Variants in ARHGEF11 observed in about 807,000 individuals in gnomAD.
ARHGEF11 encodes Rho guanine nucleotide exchange factor 11, also known as Rho guanine exchange factor (GEF) 11.
In ARHGEF11, 55 loss-of-function variants were observed where a neutral mutation model predicts 193.7. The ratio of observed to expected loss-of-function variants is 0.28; its 90% CI spans 0.23 to 0.36. The LOEUF (loss-of-function observed/expected upper bound fraction) is 0.36. ARHGEF11 is among the 10% of genes least tolerant of loss of function. ARHGEF11 has a pLI of 1.00. For missense variants in ARHGEF11, 1,723 were observed against 2,005.6 expected, an observed-to-expected ratio of 0.86 and a Z score of 2.69; for synonymous variants, 693 against 768.0, an observed-to-expected ratio of 0.90 and a Z score of 1.62.
intron 2 of ARHGEF11, 200 bp downstream of exon 2, chr1:156,985,882 G>A (rs1319215118): frequency 1.0e-5 from 5 of 492,142 alleles, no homozygotes; most frequent in Admixed American, 3.4e-5. Flanking sequence ...CCTCTCCTTC[G>A]GCAACCTGGT....
intron 34 of ARHGEF11, 105 bp downstream of exon 34, chr1:156,941,759 C>T: frequency 6.8e-7 from 1 of 1,473,020 alleles, no homozygotes; most frequent in Non-Finnish European, 9.1e-7. Context: ...GCTAGCATTT[C>T]CCTGTTGTGG....
In ARHGEF11 at chr1:157,042,149, G is replaced by A. The variant is rs554706324; in HGVS notation, c.32+2150C>T. Among the ~76,000 whole-genome samples the A allele has an allele frequency of 6.6e-5, 10 of 152,126 alleles. 1 individual carries two copies. Among genetic ancestry groups the A allele is most frequent in the Non-Finnish European group, 1.2e-4 (8 of 68,026 alleles). ...TCTGAGTCCTACCACTCTTAATGGGGAAGAGAATCAGGCAGGGTGGAGGTG... is the reference window on the plus strand; with the variant it reads ...TCTGAGTCCTACCACTCTTAATGGGAAAGAGAATCAGGCAGGGTGGAGGTG... On this transcript the variant is annotated intron_variant, in intron 1 of 40. Coordinates refer to ENST00000368194, the MANE Select transcript of ARHGEF11 (RefSeq NM_198236.3).
chr1:156,982,264 G>A (rs1319483636), intron 3 of ARHGEF11, among the ~76,000 whole-genome samples: 1 of 151,974 alleles, frequency 6.6e-6, no homozygotes, highest in African/African-American at 2.4e-5. Flanking sequence ...CAGCAAGCCT[G>A]AGAATCACTG....
upstream of ARHGEF11, among the ~76,000 whole-genome samples, chr1:157,046,117 G>C (rs1481329416): frequency 1.3e-5 from 2 of 149,614 alleles, no homozygotes; most frequent in African/African-American, 4.9e-5. Context: ...CCCCTCAGTC[G>C]CCGGCCCTGC....
Position 156,971,740 on chromosome 1 carries a change from G to A in ARHGEF11, c.659C>T (p.Thr220Ile), listed in dbSNP as rs370758353. Residue 220 changes from threonine (T) to isoleucine (I), a missense_variant, in exon 8 of 41, where the codon ACT becomes ATT. By Grantham distance (89) the Thr-to-Ile change is moderately conservative (BLOSUM62 -1). This residue lies in a region of ARHGEF11 where 646 missense variants were observed against 710.7 expected (regional missense o/e 0.91). Transcript: ENST00000368194. ...EQIEGARRRV[T>I]QLQLKIQQET... ...CTGCTGGATCTTCAGCTGTAACTGA[G>A]TGACTCGCCGCCGGGCACCTTCGAT... is the stretch of plus-strand genomic sequence containing the variant. 3.1e-6 allele frequency: 5 copies of A among 1,613,936 alleles called. No homozygotes were observed. The African/African-American group carries it at 4.0e-5, about 13-fold the overall frequency.
intron 1 of ARHGEF11, among the ~76,000 whole-genome samples, chr1:157,029,552 G>T (rs535109234): frequency 6.6e-6 from 1 of 152,156 alleles, no homozygotes; most frequent in Non-Finnish European, 1.5e-5. Context: ...GATTACAGGC[G>T]TGAGCCACTG....
chr1:156,963,344 C>G (rs763363280), intron 12 of ARHGEF11, 40 bp from the exon 13 acceptor site: 7 of 1,573,584 alleles, frequency 4.4e-6, no homozygotes, highest in Non-Finnish European at 6.1e-6. Context: ...AAGCCGGGCA[C>G]AGCAGCACAG....
chr1:156,978,451 G>A (rs1253837134), intron 5 of ARHGEF11, 69 bp from the exon 6 acceptor site: 2 of 1,506,152 alleles, frequency 1.3e-6, no homozygotes, highest in African/African-American at 2.8e-5. Flanking sequence ...CTATACAGGA[G>A]GGGGCTGTTC....
In ARHGEF11 at chr1:156,958,788, C is replaced by T. The variant is rs1481666411; in HGVS notation, c.1456G>A (p.Glu486Lys). 2 of 1,614,166 alleles carry T rather than the reference C, an allele frequency of 1.2e-6. No individual in the cohort carries two copies. The highest frequency in any genetic ancestry group is 1.7e-6 in the Non-Finnish European group (2 of 1,180,016). The change falls in exon 17 of 41, where the codon GAG becomes AAG. Residue 486 changes from glutamate to lysine, a missense_variant. Physicochemically the swap from Glu to Lys is moderately conservative, Grantham distance 56 (BLOSUM62 1). This residue lies in a region of ARHGEF11 where 646 missense variants were observed against 710.7 expected (regional missense o/e 0.91). Transcript: ENST00000368194. ...LLDLDGDPLR[E>K]RQVAEKQLAA... is the part of the protein sequence containing the mutation. ...AGCTGCTTCTCAGCCACTTGGCGCT[C>T]TCGGAGAGGGTCCCCATCCAGGTCC... is the stretch of plus-strand genomic sequence containing the variant.
chr1:156,955,042 A>G (rs1025699739), intron 20 of ARHGEF11, 121 bp from the exon 21 acceptor site: 13 of 780,582 alleles, frequency 1.7e-5, no homozygotes, highest in East Asian at 2.6e-5. Context: ...ATCAAGGCTG[A>G]TCTAGAAGAA....
In ARHGEF11 at chr1:156,935,700, CAT is replaced by C. The variant is rs1654919079; in HGVS notation, c.*298_*299del. On this transcript the variant is annotated 3_prime_UTR_variant, in exon 41 of 41. Transcript: ENST00000368194. ...ACATACAGGCGTGCGCGTGTACACA[CAT>C]ATGTGGGGTGAGGGCAGACCATGGT... 5.1e-6 allele frequency: 2 copies of C among 393,122 alleles called. No individual in the cohort carries two copies. The highest frequency in any genetic ancestry group is 9.2e-6 in the Non-Finnish European group (2 of 218,052). 24.4% of individuals were successfully genotyped at this position (393,122 alleles called of 1,614,324 possible). A position where few individuals can be genotyped will look rare whatever the true frequency, so the allele number is the denominator to read the frequency against.
chr1:156,992,924 T>A (rs748853408), intron 1 of ARHGEF11, among the ~76,000 whole-genome samples: 1 of 152,116 alleles, frequency 6.6e-6, no homozygotes, highest in Non-Finnish European at 1.5e-5. Flanking sequence ...GCAAATAACA[T>A]CACGTCCTTT....
At position 156,938,616 on chromosome 1, in the gene ARHGEF11, G is replaced by T. The variant is rs933199360; in HGVS notation, c.4097-103C>A. The T allele has an allele frequency of 3.7e-6, 4 of 1,082,998 alleles. No individual in the cohort carries two copies. In the Admixed American group the frequency reaches 8.0e-5, roughly 22 times the overall value. 67.1% of individuals were successfully genotyped at this position (1,082,998 alleles called of 1,614,324 possible). On this transcript the variant is annotated intron_variant, in intron 37 of 40. Coordinates refer to ENST00000368194, the MANE Select transcript of ARHGEF11 (RefSeq NM_198236.3). ...GAGAGGGCAGGAGGTGGGGACAGGG[G>T]GAGGAGAAAATGGGAAGAACAAGGT...
At chr1:156,974,312 C>T (rs891816908) in intron 7 of ARHGEF11, among the ~76,000 whole-genome samples, 3 of 151,984 alleles carry the variant, frequency 2.0e-5, no homozygotes, top group African/African-American at 4.8e-5. Context: ...AAGTAATCTT[C>T]CCACTTTGGC....
At chr1:157,001,880 C>A (rs901172417) in intron 1 of ARHGEF11, among the ~76,000 whole-genome samples, 3 of 152,174 alleles carry the variant, frequency 2.0e-5, no homozygotes, top group Non-Finnish European at 4.4e-5. Context: ...TGTAGGTTTA[C>A]AAAAATGGTA....
chr1:157,032,268 C>T (rs769628843), intron 1 of ARHGEF11, among the ~76,000 whole-genome samples: 2 of 152,140 alleles, frequency 1.3e-5, no homozygotes, highest in Non-Finnish European at 1.5e-5. Context: ...CACCAGCCAC[C>T]GAAGCAATTC....
Position 157,035,775 on chromosome 1 carries a change from G to T in ARHGEF11, c.32+8524C>A, listed in dbSNP as rs1454902378. Among the ~76,000 whole-genome samples, 152 of 115,786 alleles carry T rather than the reference G, an allele frequency of 1.3e-3. 1 individual carries two copies. The highest frequency in any genetic ancestry group is 4.7e-3 in the African/African-American group (148 of 31,274). 76.0% of individuals were successfully genotyped at this position (115,786 alleles called of 152,430 possible). A position where few individuals can be genotyped will look rare whatever the true frequency, so the allele number is the denominator to read the frequency against. On this transcript the variant is annotated intron_variant, in intron 1 of 40. Transcript: ENST00000368194. ...CTATGTGGGAATATATATATATACA[G>T]GAATATATATATATAGGAATATATA...
At chr1:156,939,421 G>T in intron 37 of ARHGEF11, 127 bp downstream of exon 37, 1 of 1,336,306 alleles carries the variant, frequency 7.5e-7, no homozygotes, top group Non-Finnish European at 1.0e-6. Context: ...CTTCTTCCAG[G>T]ACCCAGCGTA....
intron 3 of ARHGEF11, among the ~76,000 whole-genome samples, chr1:156,980,840 G>T (rs961482013): frequency 2.4e-5 from 3 of 126,130 alleles, no homozygotes; most frequent in East Asian, 2.6e-4. Context: ...TTCCGGGGGG[G>T]GGGGGGGAAA....
Sources: allele counts gnomAD v4.1 joint callset (sites outside exome capture counted in the v4.1 genomes callset), GRCh38; gene constraint gnomAD v4.1.1; regional missense constraint gnomAD v4.1.1; transcripts MANE v1.5; gene names NCBI Gene and HGNC (gene_info 2026-07-23, HGNC 2026-07-21).